Variants in GHR observed in about 807,000 individuals in gnomAD.
The protein encoded by GHR is growth hormone receptor, also known as GH receptor.
In GHR, 35 loss-of-function variants were observed where a neutral mutation model predicts 67.1. The ratio of observed to expected loss-of-function variants is 0.52; its 90% CI spans 0.40 to 0.69. The LOEUF is 0.69. Ranked by LOEUF, GHR falls within the 30% of genes least tolerant of loss-of-function variation. The pLI, the probability that GHR is intolerant of heterozygous loss-of-function variation, is 0.00. For missense variants in GHR, 792 were observed against 764.6 expected, an observed-to-expected ratio of 1.04 and a Z score of -0.42; for synonymous variants, 272 against 269.1, an observed-to-expected ratio of 1.01 and a Z score of -0.10.
intron 1 of GHR, among the ~76,000 whole-genome samples, chr5:42,446,048 T>A (rs1008476262): frequency 6.6e-6 from 1 of 152,172 alleles, no homozygotes; most frequent in Admixed American, 6.5e-5. Flanking sequence ...TCTACACAGG[T>A]TGGGGCAAAA....
At chr5:42,579,165 TA>T (rs1166763650) in intron 2 of GHR, among the ~76,000 whole-genome samples, 11 of 138,838 alleles carry the variant, frequency 7.9e-5, no homozygotes, top group South Asian at 4.4e-4. Flanking sequence ...GATAGATAGA[TA>T]GATAGATAGA....
At position 42,719,393 on chromosome 5, in the gene GHR, G is replaced by A; in HGVS notation, c.1886G>A (p.Ser629Asn). ...TTTCTCTCATCATGTGGCTATGTGA[G>A]CACAGACCAACTGAACAAAATCATG... is the stretch of plus-strand genomic sequence containing the variant. ...KEFLSSCGYV[S>N]TDQLNKIMP is the part of the protein sequence containing the mutation. The change falls in exon 10 of 10, where the codon AGC becomes AAC. Residue 629 changes from serine (S) to asparagine (N), a missense_variant. Coordinates refer to ENST00000230882, the MANE Select transcript of GHR (RefSeq NM_000163.5). 1 of 1,613,752 alleles carries A rather than the reference G, an allele frequency of 6.2e-7. No homozygotes were observed. The highest frequency in any genetic ancestry group is 8.5e-7 in the Non-Finnish European group (1 of 1,179,928).
chr5:42,709,805 G>A (rs896165757), intron 6 of GHR, among the ~76,000 whole-genome samples: 2 of 152,232 alleles, frequency 1.3e-5, no homozygotes, highest in South Asian at 2.1e-4. Flanking sequence ...AGACTTGGAT[G>A]AGAAACAGTT....
At chr5:42,562,388 C>A (rs905629281) in intron 1 of GHR, among the ~76,000 whole-genome samples, 1 of 152,132 alleles carries the variant, frequency 6.6e-6, no homozygotes, top group Non-Finnish European at 1.5e-5. Context: ...TCTGCTGAAT[C>A]CATCCACATT....
At chr5:42,571,362 G>C (rs867617444) in intron 2 of GHR, among the ~76,000 whole-genome samples, 43 of 152,220 alleles carry the variant, frequency 2.8e-4, no homozygotes. Flanking sequence ...AGGGTCTACA[G>C]CAAGGACAAA....
intron 1 of GHR, among the ~76,000 whole-genome samples, chr5:42,539,935 G>C (rs1382804311): frequency 1.3e-5 from 2 of 152,106 alleles, no homozygotes; most frequent in African/African-American, 4.8e-5. Flanking sequence ...ACGCTATTAA[G>C]TACTGTATAG....
chr5:42,513,247 G>A (rs1270636756), intron 1 of GHR, among the ~76,000 whole-genome samples: 3 of 152,086 alleles, frequency 2.0e-5, no homozygotes, highest in Non-Finnish European at 4.4e-5. Flanking sequence ...CAGTTATTTG[G>A]GAGAAAAGTG....
chr5:42,593,215 G>T (rs981796393), intron 2 of GHR, among the ~76,000 whole-genome samples: 2 of 152,094 alleles, frequency 1.3e-5, no homozygotes, highest in African/African-American at 4.8e-5. Context: ...CTTGTGTCAC[G>T]TACTATATCT....
intron 2 of GHR, among the ~76,000 whole-genome samples, chr5:42,602,815 C>T (rs1169443556): frequency 2.6e-5 from 4 of 152,136 alleles, no homozygotes; most frequent in Non-Finnish European, 5.9e-5. Flanking sequence ...ACTAATATCC[C>T]AATGTACATC....
At chr5:42,562,644 C>CTTTT (rs1212633265) in intron 1 of GHR, among the ~76,000 whole-genome samples, 20 of 77,742 alleles carry the variant, frequency 2.6e-4, no homozygotes, top group East Asian at 1.0e-3. Flanking sequence ...GTTATAGTTC[C>CTTTT]TTTTTTTTTT....
intron 3 of GHR, among the ~76,000 whole-genome samples, chr5:42,669,499 G>A (rs1340822810): frequency 2.0e-5 from 3 of 152,180 alleles, no homozygotes; most frequent in Non-Finnish European, 4.4e-5. Flanking sequence ...TGTTGGCAAA[G>A]CATTGCTATA....
At chr5:42,622,908 C>T (rs1580074746) in intron 2 of GHR, among the ~76,000 whole-genome samples, 1 of 152,256 alleles carries the variant, frequency 6.6e-6, no homozygotes, top group African/African-American at 2.4e-5. Context: ...CCACTGCCTA[C>T]ATGCAGCCTG....
rs139890333 is a variant in GHR, at chr5:42,680,820, T to G, written c.137-8070T>G. Among the ~76,000 whole-genome samples the G allele has an allele frequency of 2.3e-4, 34 of 150,862 alleles. 5 individuals carry two copies. Among genetic ancestry groups the G allele is most frequent in the African/African-American group, 8.3e-4 (34 of 40,976 alleles). On this transcript the variant is annotated intron_variant, in intron 3 of 9. Coordinates refer to ENST00000230882, the MANE Select transcript of GHR (RefSeq NM_000163.5). ...GCTCCCAGCCCCAAACATGATTTTTTGATTGAATGCTTAATGTCTTTCTAT... is the reference window on the plus strand; with the variant it reads ...GCTCCCAGCCCCAAACATGATTTTTGGATTGAATGCTTAATGTCTTTCTAT...
intron 1 of GHR, among the ~76,000 whole-genome samples, chr5:42,557,990 T>A (rs1433035255): frequency 1.3e-5 from 2 of 152,186 alleles, no homozygotes; most frequent in Non-Finnish European, 2.9e-5. Context: ...AGTGAATTAA[T>A]GTTGGTAGCT....
intron 3 of GHR, among the ~76,000 whole-genome samples, chr5:42,656,031 G>A (rs925758489): frequency 1.3e-5 from 2 of 152,074 alleles, no homozygotes; most frequent in African/African-American, 2.4e-5. Flanking sequence ...ACAATTATTA[G>A]TTAAATCAAT....
At chr5:42,608,119 T>C (rs1752715179) in intron 2 of GHR, among the ~76,000 whole-genome samples, 1 of 152,206 alleles carries the variant, frequency 6.6e-6, no homozygotes, top group Non-Finnish European at 1.5e-5. Context: ...CCCAGTTTTC[T>C]CATCTAGGAA....
chr5:42,634,715 G>A (rs772540576), intron 3 of GHR, among the ~76,000 whole-genome samples: 2 of 152,042 alleles, frequency 1.3e-5, no homozygotes, highest in South Asian at 2.1e-4. Context: ...ATGCCTTTCC[G>A]AAAAGCCTTC....
chr5:42,483,485 T>C (rs1260005294), intron 1 of GHR, among the ~76,000 whole-genome samples: 1 of 151,206 alleles, frequency 6.6e-6, no homozygotes, highest in Non-Finnish European at 1.5e-5. Flanking sequence ...GTATTTTATT[T>C]GGACATGTTA....
chr5:42,600,257 A>T (rs1042610741), intron 2 of GHR, among the ~76,000 whole-genome samples: 4 of 152,234 alleles, frequency 2.6e-5, no homozygotes, highest in Admixed American at 1.3e-4. Context: ...ATTCACATGT[A>T]GCACATTTAT....
Sources: allele counts gnomAD v4.1 joint callset (sites outside exome capture counted in the v4.1 genomes callset), GRCh38; gene constraint gnomAD v4.1.1; transcripts MANE v1.5; gene names NCBI Gene and HGNC (gene_info 2026-07-23, HGNC 2026-07-21).